Variants in TUB observed in about 807,000 individuals in gnomAD.
The protein encoded by TUB is TUB bipartite transcription factor, also known as tubby protein homolog.
TUB carries 33 observed loss-of-function variants against 59.7 expected under a neutral mutation model. The ratio of observed to expected loss-of-function variants is 0.55; its 90% confidence interval spans 0.42 to 0.74. TUB has a LOEUF of 0.74. TUB is among the 30% of genes least tolerant of loss of function. The pLI is 0.00. For missense variants in TUB, 659 were observed against 672.0 expected, an observed-to-expected ratio of 0.98 and a Z score of 0.21; for synonymous variants, 293 against 256.4, an observed-to-expected ratio of 1.14 and a Z score of -1.36.
intron 2 of TUB, among the ~76,000 whole-genome samples, chr11:8,048,304 T>G (rs974012438): frequency 3.3e-5 from 5 of 152,198 alleles, no homozygotes; most frequent in Non-Finnish European, 5.9e-5. Flanking sequence ...TTCAAAGACT[T>G]CATGAATGAA....
At chr11:8,101,074 C>G (rs1417350095) in intron 11 of TUB, 77 bp downstream of exon 11, 1 of 1,522,918 alleles carries the variant, frequency 6.6e-7, no homozygotes, top group Non-Finnish European at 9.0e-7. Flanking sequence ...CCCACCTAGC[C>G]CTGCCTACAC....
At chr11:8,055,335 G>A (rs1422727244) in intron 2 of TUB, among the ~76,000 whole-genome samples, 1 of 152,214 alleles carries the variant, frequency 6.6e-6, no homozygotes, top group Non-Finnish European at 1.5e-5. Flanking sequence ...CATTACTCTG[G>A]ATTATCGCTG....
At chr11:8,064,235 GAGA>G (rs1160036342) in intron 2 of TUB, among the ~76,000 whole-genome samples, 5 of 152,174 alleles carry the variant, frequency 3.3e-5, no homozygotes, top group Non-Finnish European at 7.4e-5. Context: ...AGATGAAGGG[GAGA>G]AGGAGAACCC....
At chr11:8,096,898 T>G in intron 6 of TUB, 92 bp downstream of exon 6, 1 of 1,436,286 alleles carries the variant, frequency 7.0e-7, no homozygotes, top group East Asian at 2.3e-5. Context: ...CTCGTATGCC[T>G]TTAGGAGCTT....
In TUB at chr11:8,090,173, G is replaced by A. The variant is rs1485963816; in HGVS notation, c.195G>A (p.Glu65=). 1 of 1,613,634 alleles carries A rather than the reference G, an allele frequency of 6.2e-7. No individual in the cohort carries two copies. The highest frequency in any genetic ancestry group is 1.3e-5 in the African/African-American group (1 of 74,946). ...GGAGCCGGCGGGCCCGGCAGTCAGA[G>A]GAACAAGCCCCCCTGGTGGAGTCCT... is the stretch of plus-strand genomic sequence containing the variant. ...RPRSRRARQS[E]EQAPLVESYL... Residue 65 remains glutamate, a synonymous_variant, in exon 3 of 12, where the codon GAG becomes GAA. Transcript: ENST00000299506.
intron 10 of TUB, 106 bp from the exon 11 acceptor site, chr11:8,100,720 G>A: frequency 2.6e-6 from 4 of 1,553,192 alleles, no homozygotes; most frequent in South Asian, 1.1e-5. Context: ...GAAAGCCCTG[G>A]AGGTCTAGGG....
intron 2 of TUB, among the ~76,000 whole-genome samples, chr11:8,050,433 C>G (rs1254675723): frequency 2.0e-5 from 3 of 152,166 alleles, no homozygotes; most frequent in African/African-American, 4.8e-5. Flanking sequence ...ACACTTTCAC[C>G]AGCAATATAT....
At chr11:8,052,754 C>G (rs1274185145) in intron 2 of TUB, among the ~76,000 whole-genome samples, 1 of 152,116 alleles carries the variant, frequency 6.6e-6, no homozygotes, top group Non-Finnish European at 1.5e-5. Flanking sequence ...GGATTACAGG[C>G]GTGAGCCACT....
At chr11:8,031,114 CA>C (rs2133709893) in intron 1 of TUB, among the ~76,000 whole-genome samples, 2 of 152,254 alleles carry the variant, frequency 1.3e-5, no homozygotes, top group East Asian at 3.9e-4. Flanking sequence ...GGTGTGTGCA[CA>C]GGGGTGTGCC....
chr11:8,097,444 T>C lies in TUB; in HGVS notation c.885+19T>C, dbSNP rs1255409825. On this transcript the variant is annotated intron_variant, in intron 7 of 11. Transcript: ENST00000299506. ...GAAGAAGGTAAGGTTGGTCTGGGCA[T>C]GTTATCATCTAGGCTTTACAGCCCT... 3.7e-6 allele frequency: 6 copies of C among 1,614,060 alleles called. No homozygotes were observed. The highest frequency in any genetic ancestry group is 1.1e-5 in the South Asian group (1 of 91,084).
At chr11:8,026,702 T>A (rs1942505002) in intron 1 of TUB, among the ~76,000 whole-genome samples, 2 of 152,330 alleles carry the variant, frequency 1.3e-5, no homozygotes, top group South Asian at 4.1e-4. Context: ...CTTGTCTTTC[T>A]TTTACAAAGT....
At chr11:8,085,093 T>G in intron 1 of TUB, among the ~76,000 whole-genome samples, 1 of 152,202 alleles carries the variant, frequency 6.6e-6, no homozygotes, top group African/African-American at 2.4e-5. Flanking sequence ...TCCGTTCTGC[T>G]GCTAGGTTCG....
chr11:8,074,550 G>C (rs1426542793), intron 2 of TUB, among the ~76,000 whole-genome samples: 1 of 151,776 alleles, frequency 6.6e-6, no homozygotes, highest in Non-Finnish European at 1.5e-5. Flanking sequence ...CAGCCTGGGA[G>C]ACATAGCAAT....
At chr11:8,050,140 T>C (rs1164936347) in intron 2 of TUB, among the ~76,000 whole-genome samples, 2 of 152,238 alleles carry the variant, frequency 1.3e-5, no homozygotes, top group African/African-American at 4.8e-5. Context: ...GCAAGATGCA[T>C]GTATGTCAGG....
chr11:8,043,983 C>T lies in TUB; in HGVS notation c.203+4291C>T, dbSNP rs1942791694. 2.6e-5 allele frequency among the ~76,000 whole-genome samples: 4 copies of T among 151,952 alleles called. No individual in the cohort carries two copies. In the South Asian group the frequency reaches 8.3e-4, roughly 32 times the overall value. On this transcript the variant is annotated intron_variant, in intron 2 of 12. Transcript: ENST00000305253. ...AGAATGAGCATCTGCCCCACCCCACCCCCCTTCTTCTGGCTGCTCTTAAGA... is the reference window on the plus strand; with the variant it reads ...AGAATGAGCATCTGCCCCACCCCACTCCCCTTCTTCTGGCTGCTCTTAAGA...
At chr11:8,093,432 T>C (rs1170047354) in intron 3 of TUB, among the ~76,000 whole-genome samples, 1 of 152,076 alleles carries the variant, frequency 6.6e-6, no homozygotes, top group Non-Finnish European at 1.5e-5. Context: ...TTAAGAGCAA[T>C]CAGAAACCAT....
At chr11:8,095,262 C>G (rs1341790327) in intron 4 of TUB, among the ~76,000 whole-genome samples, 1 of 152,194 alleles carries the variant, frequency 6.6e-6, no homozygotes, top group African/African-American at 2.4e-5. Context: ...GTGTTGTAAA[C>G]CAACCCTCGG....
At chr11:8,023,923 C>T (rs1942466656) in intron 1 of TUB, among the ~76,000 whole-genome samples, 1 of 152,240 alleles carries the variant, frequency 6.6e-6, no homozygotes, top group Admixed American at 6.5e-5. Flanking sequence ...CAAACTAGCA[C>T]TCTTCACTCC....
intron 2 of TUB, 61 bp downstream of exon 2, chr11:8,089,722 G>A (rs1283468068): frequency 6.9e-6 from 11 of 1,595,514 alleles, no homozygotes; most frequent in Middle Eastern, 3.4e-4. Context: ...TGAGGGCAGA[G>A]GGGCAGGGCT....
Sources: gnomAD v4.1 joint callset for allele counts (sites outside exome capture counted in the v4.1 genomes callset) on GRCh38, gnomAD v4.1.1 for gene constraint, MANE v1.5 for transcripts, NCBI Gene and HGNC (gene_info 2026-07-23, HGNC 2026-07-21) for gene names.